The following DDX60 variants were observed in gnomAD, a reference collection of about 807,000 sequenced individuals.
DDX60 encodes probable ATP-dependent RNA helicase DDX60.
In DDX60, 165 loss-of-function variants were observed where a neutral mutation model predicts 212.8. The ratio of observed to expected loss-of-function variants is 0.78; its 90% CI spans 0.68 to 0.88. The LOEUF is 0.88. Among genes scored for constraint, DDX60 ranks in the 40% least tolerant of loss-of-function variants. DDX60 has a pLI of 0.00. For synonymous variants in DDX60, 703 were observed against 685.3 expected, an observed-to-expected ratio of 1.03 and a Z score of -0.40; for missense variants, 1,905 against 2,003.9, an observed-to-expected ratio of 0.95 and a Z score of 0.94.
At chr4:168,277,578 C>T (rs1323396457) in intron 14 of DDX60, among the ~76,000 whole-genome samples, 2 of 151,880 alleles carry the variant, frequency 1.3e-5, no homozygotes, top group Admixed American at 6.6e-5. Flanking sequence ...TGGCTCACAC[C>T]CGTAATCCCA....
chr4:168,255,800 T>A lies in DDX60; in HGVS notation c.3468A>T (p.Thr1156=). 2 of 1,609,498 alleles carry A rather than the reference T, an allele frequency of 1.2e-6. No homozygotes were observed. The highest frequency in any genetic ancestry group is 1.7e-6 in the Non-Finnish European group (2 of 1,178,878). The change falls in exon 26 of 38, where the codon ACA becomes ACT. Residue 1156 remains threonine (T), a synonymous_variant. Transcript: ENST00000393743. ...CTTTATCAGCTTTGGGAGGCCTTTT[T>A]GTCTCCTGCTTTTTCTTTAGGAAAG... ...VSTFLKKKQE[T]KRPPKADKEA...
intron 25 of DDX60, among the ~76,000 whole-genome samples, chr4:168,258,938 T>C (rs1173344455): frequency 6.6e-6 from 1 of 152,174 alleles, no homozygotes; most frequent in Non-Finnish European, 1.5e-5. Context: ...TAAAAAACCT[T>C]GTTAAACTAA....
chr4:168,260,788 G>A (rs150631377), intron 25 of DDX60, 77 bp downstream of exon 25: 12 of 1,285,368 alleles, frequency 9.3e-6, no homozygotes. Flanking sequence ...CTGTGGCCTG[G>A]AGGTTGGGGA....
intron 37 of DDX60, 42 bp from the exon 38 acceptor site, chr4:168,217,074 T>C (rs376016470): frequency 1.7e-4 from 221 of 1,300,566 alleles, no homozygotes; most frequent in Admixed American, 3.4e-4. Context: ...TTTAGTGAGA[T>C]TGAATATTAT....
intron 14 of DDX60, among the ~76,000 whole-genome samples, chr4:168,276,942 T>C (rs1160608258): frequency 6.6e-6 from 1 of 152,044 alleles, no homozygotes; most frequent in African/African-American, 2.4e-5. Flanking sequence ...GCAGAAACAA[T>C]AGGAGGTTGC....
At chr4:168,236,578 T>C (rs922392151) in intron 32 of DDX60, among the ~76,000 whole-genome samples, 2 of 151,942 alleles carry the variant, frequency 1.3e-5, no homozygotes, top group African/African-American at 4.8e-5. Flanking sequence ...CTAATTTAGA[T>C]CCTAATGATC....
chr4:168,323,503 C>T (rs1029032686), upstream of DDX60, among the ~76,000 whole-genome samples: 7 of 151,958 alleles, frequency 4.6e-5, no homozygotes, highest in South Asian at 2.1e-4. Flanking sequence ...TGACTGGTAC[C>T]GATATATAGG....
At chr4:168,233,897 G>A (rs185887212) in intron 33 of DDX60, among the ~76,000 whole-genome samples, 2 of 152,018 alleles carry the variant, frequency 1.3e-5, no homozygotes, top group Admixed American at 1.3e-4. Flanking sequence ...GTGGTCATCC[G>A]GAAAAGTATC....
intron 1 of DDX60, among the ~76,000 whole-genome samples, chr4:168,313,366 A>G (rs1345086661): frequency 6.6e-6 from 1 of 152,212 alleles, no homozygotes; most frequent in Non-Finnish European, 1.5e-5. Flanking sequence ...GTTGTTCTAC[A>G]TGGCATAGGA....
chr4:168,274,201 T>A, intron 16 of DDX60, 118 bp from the exon 17 acceptor site: 1 of 1,197,600 alleles, frequency 8.4e-7, no homozygotes, highest in Non-Finnish European at 1.2e-6. Context: ...TGTAGGTACA[T>A]CTGAAGGTCT....
chr4:168,299,686 C>T lies in DDX60; in HGVS notation c.723+2614G>A, dbSNP rs78651650. Among the ~76,000 whole-genome samples, 92 of 152,158 alleles carry T rather than the reference C, an allele frequency of 6.0e-4. 4 individuals carry two copies. In the East Asian group the frequency reaches 0.018, roughly 29 times the overall value. ...CTTCACAAAGTTCTATGCAAATAGA[C>T]TTGAAAACTTAAGTGAAATAGATAA... On this transcript the variant is annotated intron_variant, in intron 6 of 37. Coordinates refer to ENST00000393743, the MANE Select transcript of DDX60 (RefSeq NM_017631.6).
chr4:168,239,391 T>C (rs985215712), intron 30 of DDX60, among the ~76,000 whole-genome samples: 2 of 140,724 alleles, frequency 1.4e-5, no homozygotes, highest in East Asian at 1.9e-4. Context: ...GATAGATAGA[T>C]AGATAGATAG....
chr4:168,302,015 A>T (rs1057155707), intron 6 of DDX60, among the ~76,000 whole-genome samples: 2 of 152,254 alleles, frequency 1.3e-5, no homozygotes, highest in Non-Finnish European at 2.9e-5. Flanking sequence ...GACACTCAAA[A>T]GTGTGACTGA....
intron 1 of DDX60, among the ~76,000 whole-genome samples, 158 bp downstream of exon 1, chr4:168,318,464 G>C (rs903435766): frequency 6.6e-6 from 1 of 152,222 alleles, no homozygotes; most frequent in Non-Finnish European, 1.5e-5. Flanking sequence ...GGGCCCGTGC[G>C]CCACGGCCTT....
intron 9 of DDX60, 66 bp downstream of exon 9, chr4:168,288,108 A>G (rs1735938219): frequency 2.9e-6 from 3 of 1,047,182 alleles, no homozygotes; most frequent in Non-Finnish European, 4.0e-6. Context: ...ATTATTTTGT[A>G]GTTTTAAATT....
At chr4:168,232,910 G>A (rs945271937) in intron 33 of DDX60, among the ~76,000 whole-genome samples, 2 of 151,198 alleles carry the variant, frequency 1.3e-5, no homozygotes, top group Admixed American at 6.6e-5. Flanking sequence ...ATAATCAGCA[G>A]AGTAAACAGA....
chr4:168,253,037 T>A (rs906046101), intron 26 of DDX60, among the ~76,000 whole-genome samples: 2 of 152,118 alleles, frequency 1.3e-5, no homozygotes, highest in African/African-American at 4.8e-5. Context: ...ACTCCTGACC[T>A]CGTGGTCCAC....
At chr4:168,249,169 G>T (rs1310073732) in intron 28 of DDX60, among the ~76,000 whole-genome samples, 1 of 152,152 alleles carries the variant, frequency 6.6e-6, no homozygotes, top group African/African-American at 2.4e-5. Flanking sequence ...ACTAAAATTT[G>T]TTGAGATTAT....
intron 13 of DDX60, 63 bp downstream of exon 13, chr4:168,283,383 A>C: frequency 1.1e-5 from 16 of 1,424,952 alleles, no homozygotes; most frequent in Non-Finnish European, 1.6e-5. Flanking sequence ...AAGGGATAAC[A>C]CATATCAACC....
Sources: allele counts gnomAD v4.1 joint callset (sites outside exome capture counted in the v4.1 genomes callset), GRCh38; gene constraint gnomAD v4.1.1; transcripts MANE v1.5; gene names NCBI Gene and HGNC (gene_info 2026-07-23, HGNC 2026-07-21).